FAM107B: variants seen among roughly 807,000 people sequenced by gnomAD.
FAM107B encodes the protein protein FAM107B.
In FAM107B, 21 loss-of-function variants were observed where a neutral mutation model predicts 31.5. The ratio of observed to expected loss-of-function variants is 0.67; its 90% CI spans 0.47 to 0.96. The LOEUF (loss-of-function observed/expected upper bound fraction) is 0.96. FAM107B is among the 40% of genes least tolerant of loss of function. The probability of loss-of-function intolerance (pLI) is 0.00; values close to 1 mark genes in which losing one functional copy is unlikely to be tolerated. For missense variants in FAM107B, 452 were observed against 377.1 expected (o/e 1.20, Z -1.64); for synonymous variants, 157 against 141.5 (o/e 1.11, Z -0.78).
At position 14,556,591 on chromosome 10, in the gene FAM107B, C is replaced by T. The variant is rs921873090; in HGVS notation, c.470-26076G>A. ...TGCTACTGCCCCTCACTTGAGATCT[C>T]CCTGGTCCATCTAGGCCACAAGCCA... On this transcript the variant is annotated intron_variant, in intron 2 of 4. Coordinates refer to ENST00000181796, the MANE Select transcript of FAM107B (RefSeq NM_031453.4). Among the ~76,000 whole-genome samples the T allele has an allele frequency of 3.0e-4, 45 of 152,216 alleles. 1 individual carries two copies. The highest frequency in any genetic ancestry group is 6.5e-5 in the Admixed American group (1 of 15,290).
At chr10:14,593,822 G>A (rs933404750) in intron 2 of FAM107B, among the ~76,000 whole-genome samples, 4 of 152,160 alleles carry the variant, frequency 2.6e-5, no homozygotes, top group Middle Eastern at 3.4e-3. Context: ...GATATACAAA[G>A]AACTCCTCTG....
intron 1 of FAM107B, among the ~76,000 whole-genome samples, chr10:14,687,677 G>A (rs1044735681): frequency 1.4e-4 from 21 of 152,122 alleles, no homozygotes; most frequent in African/African-American, 5.1e-4. Flanking sequence ...ATAATGAAAA[G>A]TGCTTCCATG....
chr10:14,559,458 G>A (rs558217159), intron 2 of FAM107B, among the ~76,000 whole-genome samples: 2 of 147,718 alleles, frequency 1.4e-5, no homozygotes, highest in Non-Finnish European at 1.5e-5. Context: ...TAAATCCCCC[G>A]GTTCTCTTAC....
chr10:14,561,265 G>A (rs1465919903), intron 2 of FAM107B, among the ~76,000 whole-genome samples: 1 of 152,224 alleles, frequency 6.6e-6, no homozygotes, highest in Non-Finnish European at 1.5e-5. Context: ...TGCATTCAGG[G>A]GCAGGCAGCC....
intron 4 of FAM107B, 33 bp downstream of exon 4, chr10:14,521,836 A>G (rs1397025454): frequency 6.2e-7 from 1 of 1,601,648 alleles, no homozygotes; most frequent in Admixed American, 1.8e-5. Context: ...AGACAAAAAC[A>G]AAAAAAGACA....
intron 2 of FAM107B, among the ~76,000 whole-genome samples, chr10:14,615,635 T>A (rs1056289159): frequency 6.6e-6 from 1 of 152,256 alleles, no homozygotes; most frequent in African/African-American, 2.4e-5. Context: ...CTTCCTTAAC[T>A]TTTATAACCT....
At chr10:14,773,555 T>C (rs992428167) in intron 1 of FAM107B, among the ~76,000 whole-genome samples, 3 of 152,228 alleles carry the variant, frequency 2.0e-5, no homozygotes, top group African/African-American at 7.2e-5. Flanking sequence ...GAAATAATTG[T>C]ACAGCTCCAT....
At chr10:14,579,001 G>A (rs977979368) in intron 2 of FAM107B, among the ~76,000 whole-genome samples, 7 of 151,616 alleles carry the variant, frequency 4.6e-5, no homozygotes, top group African/African-American at 9.7e-5. Context: ...AAATTATAAC[G>A]AAGAGAAAAA....
intron 2 of FAM107B, among the ~76,000 whole-genome samples, chr10:14,575,589 G>A (rs909952670): frequency 7.9e-5 from 12 of 152,254 alleles, no homozygotes; most frequent in African/African-American, 1.9e-4. Flanking sequence ...TACCACACAC[G>A]TCACAAAGGA....
rs532589395 is a variant in FAM107B, at chr10:14,706,687, C to A, written c.412-38996G>T. Among the ~76,000 whole-genome samples, 70 of 152,246 alleles carry A rather than the reference C, an allele frequency of 4.6e-4. No homozygotes were observed. The South Asian group carries it at 0.014, about 30-fold the overall frequency. ...TTGTAAGGCATAAAATCCAACCTGC[C>A]CTTCCCCTCTTCAAAGAGTGAGCAG... On this transcript the variant is annotated intron_variant, in intron 1 of 4. Coordinates refer to ENST00000181796, the MANE Select transcript of FAM107B (RefSeq NM_031453.4).
chr10:14,564,103 T>C (rs1850462699), intron 2 of FAM107B, among the ~76,000 whole-genome samples: 1 of 152,168 alleles, frequency 6.6e-6, no homozygotes, highest in African/African-American at 2.4e-5. Context: ...AAAATATCAA[T>C]AGATATAACC....
At chr10:14,710,431 TACACACACACAC>T (rs57418409) in intron 1 of FAM107B, among the ~76,000 whole-genome samples, 62,353 of 146,314 alleles carry the variant, frequency 0.43, 13,371 homozygotes, top group Admixed American at 0.51. Context: ...TCTCTAAAAA[TACACACACACAC>T]ACACACACAC....
chr10:14,543,008 A>G (rs548904235), intron 2 of FAM107B, among the ~76,000 whole-genome samples: 3 of 152,350 alleles, frequency 2.0e-5, no homozygotes, highest in Admixed American at 6.5e-5. Flanking sequence ...GATTTCTTTA[A>G]TAACTGATTG....
chr10:14,664,018 A>T (rs941847643), intron 2 of FAM107B, among the ~76,000 whole-genome samples: 1 of 151,570 alleles, frequency 6.6e-6, no homozygotes, highest in Non-Finnish European at 1.5e-5. Context: ...AATGAATTTC[A>T]TCTCTGTCCT....
In FAM107B at chr10:14,753,933, CT is replaced by C. The variant is rs1407588182; in HGVS notation, c.411+20319del. Among the ~76,000 whole-genome samples, 86 of 145,756 alleles carry C rather than the reference CT, an allele frequency of 5.9e-4. 1 individual carries two copies. Among genetic ancestry groups the C allele is most frequent in the Middle Eastern group, 3.5e-3 (1 of 288 alleles). On this transcript the variant is annotated intron_variant, in intron 1 of 4. Coordinates refer to ENST00000181796, the MANE Select transcript of FAM107B (RefSeq NM_031453.4). ...ATTTTTTATATCATAGATGAAAAGT[CT>C]TTTTTTTCTTTTTTTTTTTTTTTTG...
intron 2 of FAM107B, among the ~76,000 whole-genome samples, chr10:14,588,369 G>A (rs146667270): frequency 1.3e-5 from 2 of 152,312 alleles, no homozygotes; most frequent in African/African-American, 2.4e-5. Flanking sequence ...CCTACTCCAG[G>A]CACAAATACC....
chr10:14,533,987 G>C (rs904139093), intron 2 of FAM107B, among the ~76,000 whole-genome samples: 1 of 152,154 alleles, frequency 6.6e-6, no homozygotes. Context: ...TGCGTGTAGT[G>C]CATTTAGGAT....
intron 1 of FAM107B, among the ~76,000 whole-genome samples, chr10:14,734,965 G>A (rs1268703214): frequency 2.0e-5 from 3 of 152,100 alleles, no homozygotes; most frequent in South Asian, 2.1e-4. Context: ...TGTTCCAGCC[G>A]AATCTGCCAA....
chr10:14,522,284 C>T (rs538856086), intron 3 of FAM107B: 27 of 425,910 alleles, frequency 6.3e-5, no homozygotes, highest in Non-Finnish European at 1.0e-4. Context: ...CACTAGGCTA[C>T]GCAAAGGAGG....
Sources: gnomAD v4.1 joint callset for allele counts (sites outside exome capture counted in the v4.1 genomes callset) on GRCh38, gnomAD v4.1.1 for gene constraint, MANE v1.5 for transcripts, NCBI Gene and HGNC (gene_info 2026-07-23, HGNC 2026-07-21) for gene names.